The following DGKG variants were observed in gnomAD, a reference collection of about 807,000 sequenced individuals.
DGKG encodes the protein DAG kinase gamma.
In DGKG, 78 loss-of-function variants were observed where a neutral mutation model predicts 105.3. The ratio of observed to expected loss-of-function variants is 0.74; its 90% CI spans 0.62 to 0.89. The LOEUF is 0.89. Among genes scored for constraint, DGKG ranks in the 40% least tolerant of loss-of-function variants. The pLI is 0.00. For synonymous variants in DGKG, 346 were observed against 367.1 expected (o/e 0.94, Z 0.66); for missense variants, 958 against 1,020.1 (o/e 0.94, Z 0.83).
At chr3:186,198,156 T>C (rs1200109841) in intron 21 of DGKG, among the ~76,000 whole-genome samples, 1 of 152,170 alleles carries the variant, frequency 6.6e-6, no homozygotes, top group Non-Finnish European at 1.5e-5. Context: ...GAAACCCAGG[T>C]GTTCTTTGAA....
At chr3:186,220,588 T>C (rs1409234694) in intron 20 of DGKG, among the ~76,000 whole-genome samples, 1 of 152,220 alleles carries the variant, frequency 6.6e-6, no homozygotes, top group African/African-American at 2.4e-5. Flanking sequence ...TTCATGCCTG[T>C]GAGCTGGGTT....
At chr3:186,297,914 A>G (rs1723666746) in intron 4 of DGKG, 150 bp downstream of exon 4, 1 of 834,692 alleles carries the variant, frequency 1.2e-6, no homozygotes, top group East Asian at 2.7e-5. Context: ...GTAAGGCACT[A>G]TGAGGAAAGG....
rs780720671 is a variant in DGKG at position 186,165,140 on chromosome 3, C to T, written c.2096-122G>A. The T allele has an allele frequency of 7.8e-6, 8 of 1,024,042 alleles. No individual in the cohort carries two copies. In the African/African-American group the frequency reaches 1.1e-4, roughly 14 times the overall value. The allele number at this position is 1,024,042 out of a possible 1,614,324, so 63.4% of individuals were successfully genotyped here. On this transcript the variant is annotated intron_variant, in intron 22 of 24. Coordinates refer to ENST00000265022, the MANE Select transcript of DGKG (RefSeq NM_001346.3). ...TATCCCTTCATCTCCCACCAAACAC[C>T]TTTTTCATATTCACTCTGAATAGGG...
At chr3:186,204,911 C>G (rs1265262356) in intron 21 of DGKG, among the ~76,000 whole-genome samples, 1 of 152,144 alleles carries the variant, frequency 6.6e-6, no homozygotes, top group Non-Finnish European at 1.5e-5. Flanking sequence ...CATTTCTGCT[C>G]CTCGTCACGG....
intron 20 of DGKG, among the ~76,000 whole-genome samples, chr3:186,237,936 G>A (rs1273463724): frequency 2.0e-5 from 3 of 152,070 alleles, no homozygotes; most frequent in Admixed American, 6.6e-5. Flanking sequence ...GCATCTAGGA[G>A]GAGCTAAAAA....
chr3:186,161,172 A>G, intron 24 of DGKG: 2 of 992,426 alleles, frequency 2.0e-6, no homozygotes, highest in Non-Finnish European at 2.4e-6. Flanking sequence ...ACCCTACCAA[A>G]TTCTAGGTAA....
intron 1 of DGKG, among the ~76,000 whole-genome samples, chr3:186,355,283 C>T: frequency 2.8e-5 from 1 of 36,240 alleles, no homozygotes; most frequent in South Asian, 7.9e-4. Context: ...CCAGCACGAT[C>T]ATCATCACCA....
At chr3:186,278,430 C>A (rs940543663) in intron 9 of DGKG, among the ~76,000 whole-genome samples, 2 of 151,980 alleles carry the variant, frequency 1.3e-5, no homozygotes, top group African/African-American at 4.8e-5. Context: ...GGGTGAGAGG[C>A]GTGATGTGAG....
intron 19 of DGKG, among the ~76,000 whole-genome samples, chr3:186,244,328 G>A (rs1720833738): frequency 6.6e-6 from 1 of 152,030 alleles, no homozygotes; most frequent in African/African-American, 2.4e-5. Context: ...AGGAGAAGAT[G>A]GGCTTATTTT....
rs756720940 is a variant in DGKG at position 186,242,469 on chromosome 3, G to A, written c.1826+35C>T. 10 of 1,581,556 alleles carry A rather than the reference G, an allele frequency of 6.3e-6. No individual in the cohort carries two copies. The South Asian group carries it at 1.0e-4, about 16-fold the overall frequency. On this transcript the variant is annotated intron_variant, in intron 20 of 24. Coordinates refer to ENST00000265022, the MANE Select transcript of DGKG (RefSeq NM_001346.3). The stretch of plus-strand genomic sequence containing the variant: ...GCCTCTGTTCCGCCAGGGCCACACT[G>A]GGTGGGTGGCAGCGCAGCCGGGCCT...
rs758064850 is a variant in DGKG at position 186,298,158 on chromosome 3, G to A, written c.216C>T (p.Ser72=). 9 of 1,614,018 alleles carry A rather than the reference G, an allele frequency of 5.6e-6. No individual in the cohort carries two copies. Among genetic ancestry groups the A allele is most frequent in the African/African-American group, 1.3e-5 (1 of 74,926 alleles). The stretch of plus-strand genomic sequence containing the variant: ...GGCTGAAGGCCAGGAAGAGGTGAGT[G>A]CTCAGTGGCTGGGGAAGGTCCACCT... ...YLEVDLPQPL[S]THLFLAFSQK... Residue 72 remains serine (S), a synonymous_variant, in exon 4 of 25, where the codon AGC becomes AGT. Coordinates refer to ENST00000265022, the MANE Select transcript of DGKG (RefSeq NM_001346.3).
rs531400830 is a variant in DGKG at position 186,258,471 on chromosome 3, T to C, written c.1425-532A>G. Reference sequence around the variant, plus strand: ...ACCTCCAAGGGTTCTATGGATTGGATTCAGAGGGCCATTAACTTGGAGGAG... The same window carrying C: ...ACCTCCAAGGGTTCTATGGATTGGACTCAGAGGGCCATTAACTTGGAGGAG... On this transcript the variant is annotated intron_variant, in intron 16 of 24. Transcript: ENST00000265022. Among the ~76,000 whole-genome samples, 52 of 152,280 alleles carry C rather than the reference T, an allele frequency of 3.4e-4. 1 individual carries two copies. The highest frequency in any genetic ancestry group is 3.4e-3 in the Middle Eastern group (1 of 294).
chr3:186,347,448 C>CAAAA (rs576239325), intron 1 of DGKG, among the ~76,000 whole-genome samples: 7 of 51,532 alleles, frequency 1.4e-4, no homozygotes, highest in African/African-American at 3.4e-4. Flanking sequence ...GACTCAGTCT[C>CAAAA]AAAAAAAAAA....
chr3:186,336,797 G>A (rs1202608512), intron 1 of DGKG, among the ~76,000 whole-genome samples: 3 of 152,000 alleles, frequency 2.0e-5, no homozygotes, highest in Non-Finnish European at 4.4e-5. Context: ...AGCAATATTT[G>A]GAATGAAAAA....
intron 21 of DGKG, among the ~76,000 whole-genome samples, chr3:186,196,291 C>A (rs1718180641): frequency 6.6e-6 from 1 of 152,080 alleles, no homozygotes. Context: ...GTGCCCACCA[C>A]CACGCCCAGC....
intron 3 of DGKG, among the ~76,000 whole-genome samples, chr3:186,302,566 G>GTA (rs199559070): frequency 0.6 from 67,978 of 113,906 alleles, 19,614 homozygotes; most frequent in Non-Finnish European, 0.64. Flanking sequence ...ATACACATAT[G>GTA]TATATATATA....
At chr3:186,342,004 T>C (rs533716549) in intron 1 of DGKG, among the ~76,000 whole-genome samples, 1 of 152,104 alleles carries the variant, frequency 6.6e-6, no homozygotes, top group Admixed American at 6.5e-5. Context: ...TATCACACTC[T>C]GGGGACTGTT....
intron 8 of DGKG, among the ~76,000 whole-genome samples, chr3:186,280,255 T>C (rs1722770028): frequency 6.6e-6 from 1 of 152,200 alleles, no homozygotes; most frequent in Admixed American, 6.5e-5. Context: ...GTAGCAGGGA[T>C]TAGAGAAAAT....
chr3:186,355,498 A>C (rs1048705894), intron 1 of DGKG, among the ~76,000 whole-genome samples: 2 of 150,252 alleles, frequency 1.3e-5, no homozygotes, highest in Non-Finnish European at 3.0e-5. Context: ...CACCACTATC[A>C]CCACCACCAC....
Sources: allele counts gnomAD v4.1 joint callset (sites outside exome capture counted in the v4.1 genomes callset), GRCh38; gene constraint gnomAD v4.1.1; transcripts MANE v1.5; gene names NCBI Gene and HGNC (gene_info 2026-07-23, HGNC 2026-07-21).